Variants in PLXNA2 observed in about 807,000 individuals in gnomAD.
PLXNA2 encodes plexin A2, also known as plexin-A2.
A neutral mutation model predicts 193.5 loss-of-function variants in PLXNA2; 91 were observed. The observed-to-expected ratio is 0.47, with a 90% CI of 0.40 to 0.56. PLXNA2 has a LOEUF of 0.56. PLXNA2 is among the 20% of genes least tolerant of loss of function. PLXNA2 has a pLI of 0.00. For missense variants in PLXNA2, 1,995 were observed against 2,503.2 expected, an observed-to-expected ratio of 0.80 and a Z score of 4.33; for synonymous variants, 997 against 1,027.3, an observed-to-expected ratio of 0.97 and a Z score of 0.56.
rs1330141363 is a variant in PLXNA2, at chr1:208,027,995, G to A, written c.5589+14C>T. 7.7e-6 allele frequency: 12 copies of A among 1,548,790 alleles called. No individual in the cohort carries two copies. The highest frequency in any genetic ancestry group is 1.0e-5 in the Non-Finnish European group (12 of 1,144,498). On this transcript the variant is annotated intron_variant, in intron 31 of 31. Coordinates refer to ENST00000367033, the MANE Select transcript of PLXNA2 (RefSeq NM_025179.4). ...TGCCTGTTGGTTTCTGTCCCTGCTG[G>A]GGCCCTGTCTCACCTCCTCACTATA...
At chr1:208,205,029 G>C (rs1023219443) in intron 3 of PLXNA2, among the ~76,000 whole-genome samples, 1 of 152,166 alleles carries the variant, frequency 6.6e-6, no homozygotes, top group Non-Finnish European at 1.5e-5. Flanking sequence ...GTGAAACCTG[G>C]GTTGAGGCGG....
intron 3 of PLXNA2, among the ~76,000 whole-genome samples, chr1:208,156,725 T>A (rs926981755): frequency 6.6e-6 from 1 of 152,352 alleles, no homozygotes; most frequent in South Asian, 2.1e-4. Flanking sequence ...ACATAAATTA[T>A]AAATTCCCAG....
chr1:208,040,438 C>T (rs1664827947), intron 22 of PLXNA2, among the ~76,000 whole-genome samples: 1 of 152,166 alleles, frequency 6.6e-6, no homozygotes, highest in African/African-American at 2.4e-5. Context: ...AGAGAGTTTC[C>T]CAGTCCCTCT....
chr1:208,181,203 C>T (rs1455377515), intron 3 of PLXNA2, among the ~76,000 whole-genome samples: 3 of 152,222 alleles, frequency 2.0e-5, no homozygotes, highest in Non-Finnish European at 2.9e-5. Context: ...CCATCTACCA[C>T]TTCCCGACCC....
intron 17 of PLXNA2, among the ~76,000 whole-genome samples, chr1:208,046,742 G>T (rs1266737623): frequency 6.7e-6 from 1 of 149,422 alleles, no homozygotes; most frequent in South Asian, 2.1e-4. Context: ...GCACCAAAAG[G>T]CCTGGGGACA....
intron 22 of PLXNA2, among the ~76,000 whole-genome samples, chr1:208,041,275 A>T (rs1664860734): frequency 6.6e-6 from 1 of 152,120 alleles, no homozygotes; most frequent in Non-Finnish European, 1.5e-5. Context: ...GCTAAAGAGG[A>T]GGGGTGGTGA....
chr1:208,239,723 C>T (rs1198829630), intron 1 of PLXNA2, among the ~76,000 whole-genome samples: 1 of 152,236 alleles, frequency 6.6e-6, no homozygotes, highest in South Asian at 2.1e-4. Flanking sequence ...CCGGCTGCTC[C>T]CTTCAATAGA....
At chr1:208,085,754 G>C (rs946539601) in intron 9 of PLXNA2, among the ~76,000 whole-genome samples, 20 of 152,082 alleles carry the variant, frequency 1.3e-4, no homozygotes, top group Non-Finnish European at 2.4e-4. Context: ...ACCTCCCTCT[G>C]AACTCTGTGG....
intron 4 of PLXNA2, among the ~76,000 whole-genome samples, chr1:208,121,247 C>T (rs1183208417): frequency 1.3e-5 from 2 of 152,044 alleles, no homozygotes; most frequent in Non-Finnish European, 2.9e-5. Flanking sequence ...AATCGCTATC[C>T]CTTTCAGGAT....
chr1:208,165,457 T>C (rs1669269706), intron 3 of PLXNA2, among the ~76,000 whole-genome samples: 1 of 152,140 alleles, frequency 6.6e-6, no homozygotes, highest in Admixed American at 6.5e-5. Context: ...AAGTCACACA[T>C]CTAGGAAGTG....
At chr1:208,094,030 G>C (rs1666797538) in intron 8 of PLXNA2, among the ~76,000 whole-genome samples, 1 of 152,186 alleles carries the variant, frequency 6.6e-6, no homozygotes, top group African/African-American at 2.4e-5. Context: ...TGTTGGGTTG[G>C]TTAGCCCATT....
intron 1 of PLXNA2, among the ~76,000 whole-genome samples, chr1:208,223,979 G>A (rs1424701019): frequency 6.6e-6 from 1 of 152,182 alleles, no homozygotes; most frequent in African/African-American, 2.4e-5. Flanking sequence ...TTGTCTAAAT[G>A]TGAGAGTCTG....
chr1:208,042,500 A>T, intron 21 of PLXNA2, 134 bp from the exon 22 acceptor site: 2 of 803,088 alleles, frequency 2.5e-6, no homozygotes. Flanking sequence ...AACCAACCCC[A>T]CCCCATTCCA....
At chr1:208,090,800 C>T (rs762847605) in intron 9 of PLXNA2, among the ~76,000 whole-genome samples, 26 of 152,184 alleles carry the variant, frequency 1.7e-4, no homozygotes, top group Non-Finnish European at 3.2e-4. Context: ...TGGCCCATGT[C>T]AAGGTTAGTT....
At chr1:208,168,383 G>A (rs1428195991) in intron 3 of PLXNA2, among the ~76,000 whole-genome samples, 1 of 152,198 alleles carries the variant, frequency 6.6e-6, no homozygotes, top group African/African-American at 2.4e-5. Flanking sequence ...AATGCAACAG[G>A]TGCTGATCTG....
In PLXNA2 at chr1:208,051,363, G is replaced by A. The variant is rs751564370; in HGVS notation, c.3054C>T (p.Val1018=). 1.2e-6 allele frequency: 2 copies of A among 1,613,454 alleles called. No homozygotes were observed. Among genetic ancestry groups the A allele is most frequent in the East Asian group, 2.2e-5 (1 of 44,864 alleles). The change falls in exon 16 of 32, where the codon GTC becomes GTT. Residue 1018 remains valine (V), a synonymous_variant. Coordinates refer to ENST00000367033, the MANE Select transcript of PLXNA2 (RefSeq NM_025179.4). Reference sequence around the variant, plus strand: ...CTCGGTCGACACTCACAGAAACAGGGACCGGGCCAAGGCCATTGGATGATG... The same window carrying A: ...CTCGGTCGACACTCACAGAAACAGGAACCGGGCCAAGGCCATTGGATGATG... ...SPPSSNGLGP[V]PVSVSVDRAH... is the part of the protein sequence containing the mutation.
chr1:208,187,961 A>G (rs1670059827), intron 3 of PLXNA2, among the ~76,000 whole-genome samples: 1 of 152,218 alleles, frequency 6.6e-6, no homozygotes, highest in Admixed American at 6.5e-5. Context: ...TTTAGGGATA[A>G]GAGAACTGGG....
chr1:208,027,138 C>T lies in PLXNA2; in HGVS notation c.*105G>A. The T allele has an allele frequency of 9.5e-7, 1 of 1,051,852 alleles. No homozygotes were observed. The highest frequency in any genetic ancestry group is 1.4e-6 in the Non-Finnish European group (1 of 696,074). The allele number at this position is 1,051,852 out of a possible 1,614,324, so 65.2% of individuals were successfully genotyped here. On this transcript the variant is annotated 3_prime_UTR_variant, in exon 32 of 32. Transcript: ENST00000367033. ...CTCCCCAGGATGGGGTCTCAGGGGA[C>T]AGCAAGCTCTGGGGCCTGATCCCCA...
chr1:208,042,160 C>T lies in PLXNA2; in HGVS notation c.4224G>A (p.Leu1408=). The T allele has an allele frequency of 1.2e-6, 2 of 1,614,204 alleles. No individual in the cohort carries two copies. The highest frequency in any genetic ancestry group is 2.2e-5 in the East Asian group (1 of 44,884). ...LEYATDVLKQ[L]LSDLIDKNLE... ...GGTTCTTATCGATGAGGTCAGAGAGCAGCTGCTTGAGGACATCAGTGGCAT... is the reference window on the plus strand; with the variant it reads ...GGTTCTTATCGATGAGGTCAGAGAGTAGCTGCTTGAGGACATCAGTGGCAT... Residue 1408 remains leucine, a synonymous_variant, in exon 22 of 32, where the codon CTG becomes CTA. Coordinates refer to ENST00000367033, the MANE Select transcript of PLXNA2 (RefSeq NM_025179.4).
Sources: allele counts gnomAD v4.1 joint callset (sites outside exome capture counted in the v4.1 genomes callset), GRCh38; gene constraint gnomAD v4.1.1; transcripts MANE v1.5; gene names NCBI Gene and HGNC (gene_info 2026-07-23, HGNC 2026-07-21).